The following AGBL1 variants were observed in gnomAD, a reference collection of about 807,000 sequenced individuals.
The protein encoded by AGBL1 is cytosolic carboxypeptidase 4.
AGBL1 carries 130 observed loss-of-function variants against 118.9 expected under a neutral mutation model. That is an observed-to-expected ratio of 1.09 (90% CI 0.95 to 1.26). The LOEUF (loss-of-function observed/expected upper bound fraction) is 1.26, where lower values mean the gene tolerates loss of function less well. Ranked by LOEUF, AGBL1 falls within the 50% of genes most tolerant of loss-of-function variation. AGBL1 has a pLI of 0.00. For synonymous variants in AGBL1, 555 were observed against 478.9 expected (o/e 1.16, Z -2.08); for missense variants, 1,584 against 1,298.1 (o/e 1.22, Z -3.38).
chr15:86,590,408 C>T (rs564936845), intron 21 of AGBL1, among the ~76,000 whole-genome samples: 11 of 152,296 alleles, frequency 7.2e-5, no homozygotes, highest in South Asian at 6.2e-4. Context: ...CCCCACTTCA[C>T]TCTTGTTCTT....
chr15:86,424,559 G>A (rs1211001540), intron 18 of AGBL1, among the ~76,000 whole-genome samples: 3 of 152,188 alleles, frequency 2.0e-5, no homozygotes, highest in Admixed American at 6.5e-5. Flanking sequence ...AAACTAAAGA[G>A]CTTCTGCCCA....
intron 22 of AGBL1, among the ~76,000 whole-genome samples, chr15:86,844,227 G>A (rs946683763): frequency 2.0e-5 from 3 of 152,132 alleles, no homozygotes; most frequent in African/African-American, 7.2e-5. Flanking sequence ...ACATGTTTCA[G>A]TTTTACTAGC....
chr15:86,267,476 C>A (rs1352749190), intron 13 of AGBL1, among the ~76,000 whole-genome samples: 1 of 152,140 alleles, frequency 6.6e-6, no homozygotes, highest in Non-Finnish European at 1.5e-5. Context: ...CATGGGCTTG[C>A]TATTCCTGCA....
intron 22 of AGBL1, among the ~76,000 whole-genome samples, chr15:86,892,996 C>A (rs2080072313): frequency 1.3e-5 from 2 of 152,098 alleles, no homozygotes; most frequent in African/African-American, 4.8e-5. Flanking sequence ...CAGCTCTGCT[C>A]CTGGAGAAAA....
intron 22 of AGBL1, among the ~76,000 whole-genome samples, chr15:86,763,321 GT>G (rs2141275229): frequency 6.6e-6 from 1 of 152,078 alleles, no homozygotes; most frequent in African/African-American, 2.4e-5. Flanking sequence ...TTCTCAGGAT[GT>G]ATCACTAAAG....
chr15:86,432,731 G>T (rs1348403315), intron 18 of AGBL1, among the ~76,000 whole-genome samples: 1 of 152,236 alleles, frequency 6.6e-6, no homozygotes, highest in East Asian at 1.9e-4. Context: ...CCTGAAGGAG[G>T]TAGGGAGATC....
chr15:86,520,550 T>C (rs946383755), intron 18 of AGBL1, among the ~76,000 whole-genome samples: 5 of 152,208 alleles, frequency 3.3e-5, no homozygotes, highest in African/African-American at 9.6e-5. Context: ...CTTCTCCATG[T>C]AGATGTTGCC....
intron 24 of AGBL1, among the ~76,000 whole-genome samples, chr15:87,008,238 T>A (rs1474481178): frequency 6.6e-6 from 1 of 152,206 alleles, no homozygotes; most frequent in Non-Finnish European, 1.5e-5. Flanking sequence ...TTCCCATGTG[T>A]TGTGGGAGGG....
At chr15:86,332,748 T>A (rs1353432491) in intron 17 of AGBL1, among the ~76,000 whole-genome samples, 3 of 151,288 alleles carry the variant, frequency 2.0e-5, no homozygotes, top group South Asian at 2.1e-4. Flanking sequence ...CTGCAGAATA[T>A]ACATTATTCT....
At chr15:86,126,366 T>C (rs1597428735) in intron 1 of AGBL1, among the ~76,000 whole-genome samples, 1 of 152,196 alleles carries the variant, frequency 6.6e-6, no homozygotes, top group Non-Finnish European at 1.5e-5. Flanking sequence ...TATAAAATTA[T>C]TGACAACCAA....
intron 3 of AGBL1, 143 bp downstream of exon 3, chr15:86,143,988 C>T: frequency 1.9e-6 from 2 of 1,067,462 alleles, no homozygotes; most frequent in South Asian, 1.7e-5. Flanking sequence ...GATGGCAGGA[C>T]CAGCCCCATA....
At chr15:86,583,528 T>G (rs2881456) in intron 21 of AGBL1, among the ~76,000 whole-genome samples, 52,753 of 151,990 alleles carry the variant, frequency 0.35, 11,325 homozygotes, top group Middle Eastern at 0.5. Flanking sequence ...CTTTTATGGC[T>G]GTGTGGTATT....
At chr15:86,394,862 T>C (rs1567234237) in intron 17 of AGBL1, among the ~76,000 whole-genome samples, 1 of 152,150 alleles carries the variant, frequency 6.6e-6, no homozygotes, top group Admixed American at 6.6e-5. Context: ...TAAATGTCAC[T>C]GGACACAACT....
intron 18 of AGBL1, among the ~76,000 whole-genome samples, chr15:86,446,178 C>T (rs1386704162): frequency 1.3e-5 from 2 of 152,218 alleles, no homozygotes; most frequent in Non-Finnish European, 2.9e-5. Flanking sequence ...CAGCAACCTG[C>T]CACTCTCCTG....
chr15:86,464,680 T>C (rs2142091626), intron 18 of AGBL1, among the ~76,000 whole-genome samples: 1 of 152,334 alleles, frequency 6.6e-6, no homozygotes, highest in African/African-American at 2.4e-5. Context: ...AGGTCTTTTT[T>C]GCATCTATTG....
chr15:86,612,716 G>A (rs770672865), intron 21 of AGBL1, among the ~76,000 whole-genome samples: 10 of 152,322 alleles, frequency 6.6e-5, no homozygotes, highest in Middle Eastern at 3.4e-3. Context: ...GCACTCGGTA[G>A]AGAACCTTCT....
At chr15:86,589,638 T>C (rs547060433) in intron 21 of AGBL1, among the ~76,000 whole-genome samples, 1 of 152,324 alleles carries the variant, frequency 6.6e-6, no homozygotes, top group East Asian at 1.9e-4. Flanking sequence ...TGCTTGATGA[T>C]CACCAGTTGA....
chr15:86,520,249 C>A (rs1029165512), intron 18 of AGBL1, among the ~76,000 whole-genome samples: 2 of 152,162 alleles, frequency 1.3e-5, no homozygotes, highest in Non-Finnish European at 2.9e-5. Context: ...TAGTCATGCA[C>A]ACAGACATAG....
At chr15:86,723,811 GA>G (rs2086774460) in intron 22 of AGBL1, among the ~76,000 whole-genome samples, 2 of 152,158 alleles carry the variant, frequency 1.3e-5, no homozygotes, top group African/African-American at 4.8e-5. Flanking sequence ...TGAAAGAGAT[GA>G]GGGGGAGTGA....
Sources: allele counts gnomAD v4.1 joint callset (sites outside exome capture counted in the v4.1 genomes callset), GRCh38; gene constraint gnomAD v4.1.1; transcripts MANE v1.5; gene names NCBI Gene and HGNC (gene_info 2026-07-23, HGNC 2026-07-21).